ACLY: variants seen among roughly 807,000 people sequenced by gnomAD.
ACLY encodes the protein ATP citrate lyase, also known as ATP-citrate synthase.
ACLY carries 41 observed loss-of-function variants against 133.0 expected under a neutral mutation model. The observed-to-expected ratio is 0.31, with a 90% CI of 0.24 to 0.40. The LOEUF (loss-of-function observed/expected upper bound fraction) is 0.40. Among genes scored for constraint, ACLY ranks in the 10% least tolerant of loss-of-function variants. The probability of loss-of-function intolerance (pLI) is 1.00; values close to 1 mark genes in which losing one functional copy is unlikely to be tolerated. For synonymous variants in ACLY, 495 were observed against 549.3 expected (o/e 0.90, Z 1.38); for missense variants, 1,046 against 1,453.8 (o/e 0.72, Z 4.56).
intron 20 of ACLY, among the ~76,000 whole-genome samples, chr17:41,881,687 C>A (rs1309217080): frequency 6.6e-6 from 1 of 152,060 alleles, no homozygotes; most frequent in Admixed American, 6.6e-5. Context: ...TCCTCCGCCT[C>A]CCAGGTTCAA....
chr17:41,881,385 T>C (rs1189686385), intron 20 of ACLY, among the ~76,000 whole-genome samples: 1 of 126,030 alleles, frequency 7.9e-6, no homozygotes, highest in African/African-American at 3.2e-5. Flanking sequence ...ATCGCACCAC[T>C]GCACTCCAGC....
intron 1 of ACLY, among the ~76,000 whole-genome samples, chr17:41,927,623 C>T (rs1402729594): frequency 5.3e-5 from 8 of 152,122 alleles, no homozygotes; most frequent in Non-Finnish European, 8.8e-5. Context: ...GTCAGAAGTT[C>T]GAGATTAGCC....
At chr17:41,912,609 C>A in intron 2 of ACLY, 67 bp from the exon 3 acceptor site, 1 of 1,588,646 alleles carries the variant, frequency 6.3e-7, no homozygotes, top group South Asian at 1.1e-5. Flanking sequence ...TTTGGGGATC[C>A]AAATAGAGGA....
At chr17:41,927,110 C>T (rs2050253221) in intron 1 of ACLY, among the ~76,000 whole-genome samples, 1 of 152,196 alleles carries the variant, frequency 6.6e-6, no homozygotes, top group Admixed American at 6.5e-5. Flanking sequence ...TCAGGTGATC[C>T]ACCCACCTCA....
intron 16 of ACLY, among the ~76,000 whole-genome samples, chr17:41,888,805 G>A (rs917713088): frequency 5.3e-5 from 8 of 152,064 alleles, no homozygotes; most frequent in Admixed American, 4.6e-4. Flanking sequence ...AGAGCAGTAT[G>A]TGTGTCTCTT....
chr17:41,904,666 G>A, intron 10 of ACLY, 63 bp downstream of exon 10: 1 of 1,499,122 alleles, frequency 6.7e-7, no homozygotes, highest in Non-Finnish European at 9.2e-7. Flanking sequence ...TGCTTTCAAG[G>A]CCCCTTCCCT....
In ACLY at chr17:41,904,726, T is replaced by C; in HGVS notation, c.1065+3A>G. On this transcript the variant is annotated splice_donor_region_variant and intron_variant, in intron 10 of 28. Coordinates refer to ENST00000352035, the MANE Select transcript of ACLY (RefSeq NM_001096.3). ...GAAACTGCACCACTGTTGCAACTGT[T>C]ACCTTGAACGTGGCAGCCACGTTGG... is the stretch of plus-strand genomic sequence containing the variant. The C allele has an allele frequency of 6.2e-7, 1 of 1,613,458 alleles. No homozygotes were observed. The highest frequency in any genetic ancestry group is 8.5e-7 in the Non-Finnish European group (1 of 1,179,398).
intron 1 of ACLY, among the ~76,000 whole-genome samples, chr17:41,928,872 CT>C (rs2050275470): frequency 7.7e-6 from 1 of 130,076 alleles, no homozygotes; most frequent in Non-Finnish European, 1.7e-5. Flanking sequence ...AAAAAAAAAG[CT>C]GCTGGAGTTC....
rs555359567 is a variant in ACLY at position 41,905,738 on chromosome 17, G to C, written c.867-80C>G. 6.3e-5 allele frequency: 98 copies of C among 1,565,110 alleles called. No homozygotes were observed. In the African/African-American group the frequency reaches 1.2e-3, roughly 20 times the overall value. On this transcript the variant is annotated intron_variant, in intron 8 of 28. Coordinates refer to ENST00000352035, the MANE Select transcript of ACLY (RefSeq NM_001096.3). ...AGCCTGGTGCCTGGGAGGACACACG[G>C]ATCCCTCAAAACACTGGAGTTAGCC...
At chr17:41,922,776 A>C (rs2050197990), upstream of ACLY, among the ~76,000 whole-genome samples, 1 of 152,222 alleles carries the variant, frequency 6.6e-6, no homozygotes, top group Non-Finnish European at 1.5e-5. Context: ...GCTAGGCCTA[A>C]GTTTGACTAT....
Position 41,878,842 on chromosome 17 carries a change from C to A in ACLY, c.2348G>T (p.Gly783Val), listed in dbSNP as rs1319326448. The A allele has an allele frequency of 3.1e-6, 5 of 1,614,090 alleles. No homozygotes were observed. Among genetic ancestry groups the A allele is most frequent in the Middle Eastern group, 1.6e-4 (1 of 6,062 alleles). The part of the protein sequence containing the change: ...VAKNQALKEA[G>V]VFVPRSFDEL... Reference sequence around the variant, plus strand: ...ATCAAAGCTCCGGGGCACAAACACTCCTGCTTCCTTCAAAGCCTGGTTCTT... The same window carrying A: ...ATCAAAGCTCCGGGGCACAAACACTACTGCTTCCTTCAAAGCCTGGTTCTT... Residue 783 changes from glycine (G) to valine (V), a missense_variant, in exon 21 of 29, where the codon GGA becomes GTA. This residue lies in a region of ACLY where 575 missense variants were observed against 804.2 expected (regional missense o/e 0.71). Coordinates refer to ENST00000352035, the MANE Select transcript of ACLY (RefSeq NM_001096.3).
chr17:41,916,150 A>G (rs781825117), intron 1 of ACLY, among the ~76,000 whole-genome samples: 3 of 152,232 alleles, frequency 2.0e-5, no homozygotes, highest in African/African-American at 4.8e-5. Context: ...GAGAGAAGAC[A>G]CAATGGGATA....
intron 19 of ACLY, 24 bp downstream of exon 19, chr17:41,884,169 A>G (rs1281758885): frequency 2.4e-6 from 3 of 1,250,640 alleles, no homozygotes; most frequent in Non-Finnish European, 3.4e-6. Context: ...TAAAATCATA[A>G]TTTTTTTTTT....
At chr17:41,894,059 C>T (rs9902501) in intron 14 of ACLY, among the ~76,000 whole-genome samples, 103,910 of 151,700 alleles carry the variant, frequency 0.68, 37,160 homozygotes, top group South Asian at 0.83. Flanking sequence ...AATAAAAATA[C>T]AACAATTAGC....
intron 20 of ACLY, among the ~76,000 whole-genome samples, chr17:41,879,830 C>T (rs1327681258): frequency 6.6e-6 from 1 of 151,414 alleles, no homozygotes; most frequent in East Asian, 1.9e-4. Context: ...GTGATTCTCC[C>T]ACCTCCTCCC....
chr17:41,901,459 G>T (rs1387662599), intron 11 of ACLY, among the ~76,000 whole-genome samples: 1 of 152,116 alleles, frequency 6.6e-6, no homozygotes, highest in Non-Finnish European at 1.5e-5. Flanking sequence ...AGCACAGAGC[G>T]AGTGATCTTT....
intron 1 of ACLY, 51 bp downstream of exon 1, chr17:41,918,829 G>A (rs1212953578): frequency 1.6e-6 from 2 of 1,271,674 alleles, no homozygotes; most frequent in Non-Finnish European, 2.0e-6. Flanking sequence ...GAGGCAGGAA[G>A]CTCCTAGGGC....
chr17:41,878,582 A>G (rs2048822717), intron 21 of ACLY, among the ~76,000 whole-genome samples: 1 of 152,158 alleles, frequency 6.6e-6, no homozygotes, highest in Admixed American at 6.5e-5. Flanking sequence ...CAGAAACTCA[A>G]CACATTTTAA....
At chr17:41,930,441 G>A in exon 1 of ACLY, 1 of 346,954 alleles carries the variant, frequency 2.9e-6, no homozygotes, top group East Asian at 5.9e-5. Context: ...GCCTTTTCAG[G>A]CAGCAACTCC....
Sources: allele counts gnomAD v4.1 joint callset (sites outside exome capture counted in the v4.1 genomes callset), GRCh38; gene constraint gnomAD v4.1.1; regional missense constraint gnomAD v4.1.1; transcripts MANE v1.5; gene names NCBI Gene and HGNC (gene_info 2026-07-23, HGNC 2026-07-21).